ZNF469: variants seen among roughly 807,000 people sequenced by gnomAD.
ZNF469 encodes the protein zinc finger protein 469.
In ZNF469, 1 loss-of-function variant was observed where a neutral mutation model predicts 1.0. The observed-to-expected ratio is 1.00, with a 90% CI of 0.35 to 4.73. The LOEUF (loss-of-function observed/expected upper bound fraction) is 4.73, where lower values mean the gene tolerates loss of function less well. Ranked by LOEUF, ZNF469 falls within the 30% of genes most tolerant of loss-of-function variation. ZNF469 has a pLI of 0.16. For missense variants in ZNF469, 6,100 were observed against 5,356.3 expected (o/e 1.14, Z -4.33); for synonymous variants, 2,703 against 2,363.4 (o/e 1.14, Z -4.17).
chr16:88,150,877 T>C, the ZNF469 span, among the ~76,000 whole-genome samples: 3 of 152,026 alleles, frequency 2.0e-5, no homozygotes. Context: ...GCCACGTCAT[T>C]CATCTCTCGC....
At chr16:88,420,907 C>T (rs1335450090) in intron 1 of ZNF469, among the ~76,000 whole-genome samples, 1 of 151,308 alleles carries the variant, frequency 6.6e-6, no homozygotes, top group African/African-American at 2.4e-5. Flanking sequence ...GGCCCCAAAG[C>T]CCCCTGTGTG....
At chr16:88,232,644 G>A in the ZNF469 span, among the ~76,000 whole-genome samples, 1 of 152,248 alleles carries the variant, frequency 6.6e-6, no homozygotes, top group Non-Finnish European at 1.5e-5. Flanking sequence ...CTCTGCCTGA[G>A]AGAGGGTCAG....
At chr16:88,225,325 A>G in the ZNF469 span, among the ~76,000 whole-genome samples, 4 of 152,256 alleles carry the variant, frequency 2.6e-5, no homozygotes, top group Admixed American at 6.5e-5. Context: ...GACTCGATTC[A>G]GAGTCCCTGA....
At chr16:88,120,366 C>T in the ZNF469 span, among the ~76,000 whole-genome samples, 1 of 152,264 alleles carries the variant, frequency 6.6e-6, no homozygotes, top group African/African-American at 2.4e-5. Context: ...CTAATTCCTC[C>T]ATCGGAGCTT....
intron 1 of ZNF469, among the ~76,000 whole-genome samples, chr16:88,416,878 C>T (rs1905316154): frequency 6.6e-6 from 1 of 152,158 alleles, no homozygotes; most frequent in Non-Finnish European, 1.5e-5. Flanking sequence ...CTTGGGGGAC[C>T]AGAGCCTGAG....
chr16:88,357,563 A>C, the ZNF469 span, among the ~76,000 whole-genome samples: 1 of 152,092 alleles, frequency 6.6e-6, no homozygotes, highest in African/African-American at 2.4e-5. Flanking sequence ...ATCTCAGTAC[A>C]CTGGGTGCTA....
chr16:88,359,751 T>C, the ZNF469 span, among the ~76,000 whole-genome samples: 1 of 152,236 alleles, frequency 6.6e-6, no homozygotes, highest in East Asian at 1.9e-4. Context: ...TTCTTCTTTC[T>C]TCCCCCAACA....
At chr16:88,394,045 G>T (rs989441315) in intron 1 of ZNF469, among the ~76,000 whole-genome samples, 2 of 151,796 alleles carry the variant, frequency 1.3e-5, no homozygotes, top group Non-Finnish European at 2.9e-5. Flanking sequence ...AGAGGAGCAG[G>T]GTTTGACACG....
chr16:88,286,023 AC>A, the ZNF469 span, among the ~76,000 whole-genome samples: 2 of 152,054 alleles, frequency 1.3e-5, no homozygotes, highest in Non-Finnish European at 2.9e-5. Context: ...TCCTTTCAGA[AC>A]CACCCACCTG....
chr16:88,191,965 G>C, the ZNF469 span, among the ~76,000 whole-genome samples: 3 of 152,176 alleles, frequency 2.0e-5, no homozygotes, highest in Non-Finnish European at 4.4e-5. Flanking sequence ...TGGAGGGGGG[G>C]ACTTTGGAGG....
the ZNF469 span, among the ~76,000 whole-genome samples, chr16:88,226,590 A>T: frequency 6.6e-6 from 1 of 152,118 alleles, no homozygotes; most frequent in Admixed American, 6.5e-5. Context: ...TTCTTACGGC[A>T]GCTCAAGAGA....
chr16:88,111,999 C>T, the ZNF469 span, among the ~76,000 whole-genome samples: 31 of 152,270 alleles, frequency 2.0e-4, no homozygotes, highest in Middle Eastern at 3.4e-3. Context: ...GTTCCATCCG[C>T]GTTGTTCCAA....
Position 88,424,521 on chromosome 16 carries a change from T to A in ZNF469, c.-191-286T>A, listed in dbSNP as rs1905617187. ...GCTGCATGTACACACAATCTATGCG[T>A]ACATAAAGACCCAACAAAAAGAGAT... On this transcript the variant is annotated intron_variant, in intron 1 of 2. Transcript: ENST00000565624. This position sits in a 1 kb window ranked among gnomAD's most constrained non-coding sequence, Gnocchi z 4.3. 6.6e-6 allele frequency among the ~76,000 whole-genome samples: 1 copy of A among 152,174 alleles called. No individual in the cohort carries two copies. The highest frequency in any genetic ancestry group is 2.1e-4 in the South Asian group (1 of 4,830).
In ZNF469 at chr16:88,434,972, C is replaced by T. The variant is rs1410902295; in HGVS notation, c.7502C>T (p.Ala2501Val). The T allele has an allele frequency of 5.8e-6, 9 of 1,549,794 alleles. No individual in the cohort carries two copies. Among genetic ancestry groups the T allele is most frequent in the Middle Eastern group, 3.3e-4 (2 of 6,000 alleles). ...AGGAAGCACCGGCCACACCCGGGAG[C>T]CCCCGCGGAGCCGAGCCCAGCGGCC... ...KARKHRPHPG[A>V]PAEPSPAALP... Residue 2501 changes from alanine (A) to valine (V), a missense_variant, in exon 3 of 3, where the codon GCC becomes GTC. Ala to Val is a moderately conservative substitution (Grantham distance 64, BLOSUM62 0). Transcript: ENST00000565624.
At chr16:88,401,083 G>A (rs1052153509) in intron 1 of ZNF469, among the ~76,000 whole-genome samples, 2 of 152,070 alleles carry the variant, frequency 1.3e-5, no homozygotes, top group African/African-American at 4.8e-5. Context: ...AAGGCCCTTG[G>A]ACACTCAGTA....
chr16:88,117,787 G>A, the ZNF469 span, among the ~76,000 whole-genome samples: 1 of 152,236 alleles, frequency 6.6e-6, no homozygotes, highest in Non-Finnish European at 1.5e-5. Flanking sequence ...CAAGTGACCT[G>A]GGAGGTGGAC....
chr16:88,390,414 G>A (rs72805309), intron 1 of ZNF469, among the ~76,000 whole-genome samples: 3,709 of 152,298 alleles, frequency 0.024, 53 homozygotes, highest in Non-Finnish European at 0.036. Context: ...GCCAGACTGC[G>A]TAACCCCACG....
At chr16:88,259,108 A>G in the ZNF469 span, among the ~76,000 whole-genome samples, 2 of 151,624 alleles carry the variant, frequency 1.3e-5, no homozygotes, top group African/African-American at 2.4e-5. The surrounding 1 kb of genome is among the most constrained non-coding windows in gnomAD (Gnocchi z 4.1). Flanking sequence ...TCTTTAAGCA[A>G]ACTTTCCTTA....
the ZNF469 span, among the ~76,000 whole-genome samples, chr16:88,127,042 C>T: frequency 3.2e-4 from 49 of 152,160 alleles, no homozygotes; most frequent in Admixed American, 1.7e-3. Context: ...AGGCTGGTCT[C>T]GAACTCCTGA....
Sources: gnomAD v4.1 joint callset for allele counts (sites outside exome capture counted in the v4.1 genomes callset) on GRCh38, gnomAD v4.1.1 for gene constraint, Gnocchi (gnomAD v3.1) non-coding constraint, MANE v1.5 for transcripts, NCBI Gene and HGNC (gene_info 2026-07-23, HGNC 2026-07-21) for gene names.